The following SPTBN1 variants were observed in gnomAD, a reference collection of about 807,000 sequenced individuals.
SPTBN1 encodes the protein spectrin beta chain, non-erythrocytic 1.
SPTBN1 carries 32 observed loss-of-function variants against 266.4 expected under a neutral mutation model. That is an observed-to-expected ratio of 0.12 (90% CI 0.09 to 0.16). The LOEUF is 0.16. Ranked by LOEUF, SPTBN1 falls within the 10% of genes least tolerant of loss-of-function variation. The pLI is 1.00. For synonymous variants in SPTBN1, 1,336 were observed against 1,162.2 expected, an observed-to-expected ratio of 1.15 and a Z score of -3.04; for missense variants, 2,296 against 3,067.1, an observed-to-expected ratio of 0.75 and a Z score of 5.94.
intron 2 of SPTBN1, among the ~76,000 whole-genome samples, chr2:54,544,118 G>A (rs1055743869): frequency 4.6e-5 from 7 of 152,114 alleles, no homozygotes; most frequent in Non-Finnish European, 1.0e-4. Context: ...GAAGTCTTTG[G>A]AAAGCATTAT....
chr2:54,487,832 CTTT>C (rs70944169), intron 1 of SPTBN1, among the ~76,000 whole-genome samples: 3 of 68,644 alleles, frequency 4.4e-5, no homozygotes, highest in East Asian at 4.9e-4. Flanking sequence ...CCTCCTGTGT[CTTT>C]TTTTTTTTTT....
At chr2:54,523,746 T>C (rs1378133131) in intron 1 of SPTBN1, among the ~76,000 whole-genome samples, 1 of 152,206 alleles carries the variant, frequency 6.6e-6, no homozygotes, top group Non-Finnish European at 1.5e-5. Flanking sequence ...GAATGATCCT[T>C]CTGTGTTGCT....
At chr2:54,640,096 T>G (rs137982368) in intron 18 of SPTBN1, among the ~76,000 whole-genome samples, 43 of 152,312 alleles carry the variant, frequency 2.8e-4, no homozygotes, top group African/African-American at 9.1e-4. Flanking sequence ...AGTACTATAA[T>G]CAAAAGGGTG....
intron 26 of SPTBN1, among the ~76,000 whole-genome samples, chr2:54,652,006 C>A (rs1184445905): frequency 2.6e-5 from 4 of 152,090 alleles, no homozygotes; most frequent in African/African-American, 7.2e-5. Flanking sequence ...TGTCCGTACC[C>A]CCCCGCCTTT....
intron 2 of SPTBN1, chr2:54,528,439 C>A (rs748081873): frequency 2.6e-5 from 4 of 152,540 alleles, no homozygotes; most frequent in Non-Finnish European, 5.9e-5. Flanking sequence ...TACCTAGGTC[C>A]CTCAGTAACT....
intron 1 of SPTBN1, among the ~76,000 whole-genome samples, chr2:54,458,817 A>G (rs962559200): frequency 1.3e-5 from 2 of 152,234 alleles, no homozygotes; most frequent in Non-Finnish European, 2.9e-5. Context: ...GCTAGTTGGA[A>G]GGGAAGGTCA....
chr2:54,503,445 C>T (rs1669382692), intron 1 of SPTBN1, among the ~76,000 whole-genome samples: 1 of 152,226 alleles, frequency 6.6e-6, no homozygotes, highest in Admixed American at 6.5e-5. Flanking sequence ...ACAAGATGCT[C>T]TTCAGAGAAA....
rs369479804 is a variant in SPTBN1 at position 54,562,120 on chromosome 2, T to TC, written c.148+35555dup. Among the ~76,000 whole-genome samples the TC allele has an allele frequency of 1.5e-3, 236 of 152,352 alleles. No homozygotes were observed. The Middle Eastern group carries it at 0.017, about 11-fold the overall frequency. ...TATAAAGTTGTATTTGATGTTTTTT[T>TC]CTCTGTTAAATAAAAGAGGAATGTT... On this transcript the variant is annotated intron_variant, in intron 2 of 35. Transcript: ENST00000356805.
chr2:54,667,131 T>A (rs937569052), intron 34 of SPTBN1, among the ~76,000 whole-genome samples: 11 of 152,168 alleles, frequency 7.2e-5, no homozygotes, highest in Non-Finnish European at 1.3e-4. Context: ...GCTTCTTAAT[T>A]CTGAGACATA....
intron 1 of SPTBN1, among the ~76,000 whole-genome samples, chr2:54,480,080 T>C (rs1668023993): frequency 6.6e-6 from 1 of 152,192 alleles, no homozygotes; most frequent in East Asian, 1.9e-4. Flanking sequence ...GAAAGTAAAA[T>C]TGACTTTTAC....
Position 54,624,938 on chromosome 2 carries a change from C to G in SPTBN1, c.1317C>G (p.Ser439Arg). ...RKAAMRETWL[S>R]ENQRLVSQDN... Reference sequence around the variant, plus strand: ...CAGCTATGAGGGAGACTTGGCTGAGCGAAAACCAGCGTCTGGTGTCTCAGG... The same window carrying G: ...CAGCTATGAGGGAGACTTGGCTGAGGGAAAACCAGCGTCTGGTGTCTCAGG... The change falls in exon 11 of 36, where the codon AGC (serine) becomes AGG (arginine). Residue 439 changes from serine to arginine, a missense_variant. Ser to Arg is a moderately radical substitution (Grantham distance 110, BLOSUM62 -1). Transcript: ENST00000356805. 6.2e-7 allele frequency: 1 copy of G among 1,606,052 alleles called. No individual in the cohort carries two copies. The highest frequency in any genetic ancestry group is 8.5e-7 in the Non-Finnish European group (1 of 1,176,324).
intron 27 of SPTBN1, among the ~76,000 whole-genome samples, chr2:54,654,846 C>G (rs756179741): frequency 6.6e-6 from 1 of 152,210 alleles, no homozygotes; most frequent in African/African-American, 2.4e-5. Flanking sequence ...AAAACAAAAG[C>G]AGCCATATTC....
chr2:54,664,224 C>T lies in SPTBN1; in HGVS notation c.6421-229C>T, dbSNP rs764481506. On this transcript the variant is annotated intron_variant, in intron 32 of 35. Transcript: ENST00000356805. The surrounding 1 kb of genome is among the most constrained non-coding windows in gnomAD (Gnocchi z 5.6). ...GGAATAGAGTGCAGTAAAACTCATA[C>T]TGGCATTTCGCTTTTCTCATTTCCC... The T allele has an allele frequency of 2.3e-5, 12 of 518,488 alleles. No individual in the cohort carries two copies. The highest frequency in any genetic ancestry group is 9.4e-5 in the African/African-American group (5 of 53,144). The allele number at this position is 518,488 out of a possible 1,614,324, so 32.1% of individuals were successfully genotyped here. A position where few individuals can be genotyped will look rare whatever the true frequency, so the allele number is the denominator to read the frequency against.
At chr2:54,566,814 G>C (rs1673695380) in intron 2 of SPTBN1, among the ~76,000 whole-genome samples, 1 of 152,044 alleles carries the variant, frequency 6.6e-6, no homozygotes, top group East Asian at 1.9e-4. Flanking sequence ...CTGGGCGTCA[G>C]AGTGAGACTC....
chr2:54,484,949 A>G (rs1428124000), intron 1 of SPTBN1, among the ~76,000 whole-genome samples: 1 of 151,868 alleles, frequency 6.6e-6, no homozygotes, highest in South Asian at 2.1e-4. Context: ...TGTCGTGTAA[A>G]ATACAAAAAA....
intron 2 of SPTBN1, among the ~76,000 whole-genome samples, chr2:54,583,790 C>G (rs976953635): frequency 6.6e-6 from 1 of 152,138 alleles, no homozygotes; most frequent in African/African-American, 2.4e-5. Context: ...TGTGATGCCC[C>G]AGAAGAGTAT....
In SPTBN1 at chr2:54,558,454, C is replaced by T. The variant is rs1673032630; in HGVS notation, c.148+31888C>T. The T allele has an allele frequency of 3.8e-6, 4 of 1,059,232 alleles. No individual in the cohort carries two copies. The African/African-American group carries it at 6.7e-5, about 18-fold the overall frequency. 65.6% of individuals were successfully genotyped at this position (1,059,232 alleles called of 1,614,324 possible). A position where few individuals can be genotyped will look rare whatever the true frequency, so the allele number is the denominator to read the frequency against. ...GCAACCGTGGCATGCTTAGGATTGGCCATATTTAAAAGTTCTGAAGTAGAA... is the reference window on the plus strand; with the variant it reads ...GCAACCGTGGCATGCTTAGGATTGGTCATATTTAAAAGTTCTGAAGTAGAA... On this transcript the variant is annotated intron_variant, in intron 2 of 35. Transcript: ENST00000356805. The surrounding 1 kb of genome is among the most constrained non-coding windows in gnomAD (Gnocchi z 4.6).
chr2:54,479,249 T>C (rs1327130547), intron 1 of SPTBN1, among the ~76,000 whole-genome samples: 1 of 152,214 alleles, frequency 6.6e-6, no homozygotes, highest in Non-Finnish European at 1.5e-5. Flanking sequence ...AGTATAGTTA[T>C]AGAAAACATG....
At chr2:54,574,225 G>T (rs1264524254) in intron 2 of SPTBN1, among the ~76,000 whole-genome samples, 1 of 152,136 alleles carries the variant, frequency 6.6e-6, no homozygotes, top group African/African-American at 2.4e-5. Flanking sequence ...ATAGGGTCAG[G>T]CGTTATCTCT....
Sources: gnomAD v4.1 joint callset for allele counts (sites outside exome capture counted in the v4.1 genomes callset) on GRCh38, gnomAD v4.1.1 for gene constraint, Gnocchi (gnomAD v3.1) non-coding constraint, MANE v1.5 for transcripts, NCBI Gene and HGNC (gene_info 2026-07-23, HGNC 2026-07-21) for gene names.